VPS8: variants seen among roughly 807,000 people sequenced by gnomAD.
VPS8 encodes the protein VPS8 subunit of CORVET complex.
In VPS8, 129 loss-of-function variants were observed where a neutral mutation model predicts 216.4. The observed-to-expected ratio is 0.60, with a 90% CI of 0.52 to 0.69. The LOEUF is 0.69. VPS8 is among the 30% of genes least tolerant of loss of function. The probability of loss-of-function intolerance (pLI) is 0.00; values close to 1 mark genes in which losing one functional copy is unlikely to be tolerated. For synonymous variants in VPS8, 571 were observed against 565.4 expected (o/e 1.01, Z -0.14); for missense variants, 1,531 against 1,683.5 (o/e 0.91, Z 1.59).
At chr3:184,834,132 A>G (rs763208738) in intron 4 of VPS8, among the ~76,000 whole-genome samples, 10 of 152,192 alleles carry the variant, frequency 6.6e-5, no homozygotes, top group Non-Finnish European at 1.3e-4. Context: ...GCAGCAGCAC[A>G]GGAAAGGTGA....
At chr3:184,829,683 G>A (rs1028221207) in intron 3 of VPS8, among the ~76,000 whole-genome samples, 1 of 152,124 alleles carries the variant, frequency 6.6e-6, no homozygotes, top group Non-Finnish European at 1.5e-5. Context: ...CCTTGTAAAC[G>A]TTTGAATTTT....
chr3:184,899,314 A>G (rs2108974193), intron 24 of VPS8, among the ~76,000 whole-genome samples: 1 of 152,332 alleles, frequency 6.6e-6, no homozygotes, highest in South Asian at 2.1e-4. Context: ...GCTTTATTAT[A>G]GTGTCCCTCA....
At chr3:184,851,430 A>G (rs530551458) in intron 10 of VPS8, among the ~76,000 whole-genome samples, 1 of 152,054 alleles carries the variant, frequency 6.6e-6, no homozygotes, top group Non-Finnish European at 1.5e-5. Flanking sequence ...TATCTCATCA[A>G]TAACAATTTG....
intron 8 of VPS8, among the ~76,000 whole-genome samples, chr3:184,845,308 C>T (rs1722915128): frequency 6.6e-6 from 1 of 152,088 alleles, no homozygotes; most frequent in African/African-American, 2.4e-5. Flanking sequence ...CAGAATTGTC[C>T]AGAATTTTCT....
chr3:184,924,416 C>T (rs1470929023), intron 29 of VPS8, among the ~76,000 whole-genome samples: 2 of 152,062 alleles, frequency 1.3e-5, no homozygotes, highest in Non-Finnish European at 2.9e-5. Context: ...ACTTGGGAGG[C>T]TGAGGCAGGA....
intron 46 of VPS8, among the ~76,000 whole-genome samples, chr3:185,037,491 A>G (rs183824134): frequency 1.9e-3 from 291 of 152,210 alleles, no homozygotes; most frequent in African/African-American, 7.0e-3. Context: ...AAGCTTCCTG[A>G]ATGTGTAGGT....
intron 45 of VPS8, among the ~76,000 whole-genome samples, chr3:185,011,359 A>G (rs1754997365): frequency 6.6e-6 from 1 of 152,208 alleles, no homozygotes; most frequent in South Asian, 2.1e-4. Context: ...CTTGCCATGG[A>G]GTATTGGAGA....
intron 45 of VPS8, among the ~76,000 whole-genome samples, chr3:185,004,888 G>C (rs2109949857): frequency 6.7e-6 from 1 of 149,914 alleles, no homozygotes. Context: ...TTATTTATTT[G>C]GTTTTTTTTG....
In VPS8 at chr3:184,824,581, CA is replaced by C. The variant is rs1718312873; in HGVS notation, c.-49del. Reference sequence around the variant, plus strand: ...CAGGTCTTCGTGAGCTAAGGCCAAACAAACAAAAAACACTTGCTTTGATGGA... The same window carrying C: ...CAGGTCTTCGTGAGCTAAGGCCAAACAACAAAAAACACTTGCTTTGATGGA... On this transcript the variant is annotated 5_prime_UTR_variant, in exon 2 of 48. Coordinates refer to ENST00000625842, the MANE Select transcript of VPS8 (RefSeq NM_001009921.3). The C allele has an allele frequency of 1.3e-6, 2 of 1,564,230 alleles. No homozygotes were observed. The highest frequency in any genetic ancestry group is 4.5e-5 in the East Asian group (2 of 44,352).
rs3332 is a variant in VPS8, at chr3:185,052,592, C to T, written c.*567C>T. Reference sequence around the variant, plus strand: ...TTGCCCTTTCTAACAATAAATGCTCCGTGTTTAAGTTCTGCAGGTCTCCTG... The same window carrying T: ...TTGCCCTTTCTAACAATAAATGCTCTGTGTTTAAGTTCTGCAGGTCTCCTG... On this transcript the variant is annotated 3_prime_UTR_variant, in exon 48 of 48. Coordinates refer to ENST00000625842, the MANE Select transcript of VPS8 (RefSeq NM_001009921.3). 73,066 of 152,128 alleles carry T rather than the reference C, an allele frequency of 0.48. 17,866 individuals carry two copies. The highest frequency in any genetic ancestry group is 0.67 in the East Asian group (3,454 of 5,164). 9.4% of individuals were successfully genotyped at this position (152,128 alleles called of 1,614,324 possible).
chr3:184,982,706 C>G, intron 41 of VPS8, 59 bp downstream of exon 41: 2 of 1,336,304 alleles, frequency 1.5e-6, no homozygotes, highest in Admixed American at 2.1e-5. Context: ...CAATATTTGT[C>G]TGCAGAAACT....
intron 25 of VPS8, among the ~76,000 whole-genome samples, chr3:184,907,461 GGGA>G (rs1735702629): frequency 6.6e-6 from 1 of 152,184 alleles, no homozygotes; most frequent in Non-Finnish European, 1.5e-5. Flanking sequence ...GGGATAGAAT[GGGA>G]TCAGGTTTGC....
chr3:184,968,835 C>G (rs1406528790), intron 39 of VPS8, among the ~76,000 whole-genome samples: 1 of 152,162 alleles, frequency 6.6e-6, no homozygotes, highest in African/African-American at 2.4e-5. Context: ...ACTCCTTGGT[C>G]CACGCATTTC....
rs539182485 is a variant in VPS8 at position 184,920,550 on chromosome 3, A to G, written c.2454+352A>G. 4.2e-4 allele frequency among the ~76,000 whole-genome samples: 64 copies of G among 152,348 alleles called. 1 individual carries two copies. In the Middle Eastern group the frequency reaches 0.044, roughly 105 times the overall value. On this transcript the variant is annotated intron_variant, in intron 29 of 47. Coordinates refer to ENST00000625842, the MANE Select transcript of VPS8 (RefSeq NM_001009921.3). ...GAGAATCTTCCTGTGTCTCATGCCA[A>G]CTTCACTTTGTTGCTAAGGCAGTGC...
chr3:185,044,228 C>T (rs1174960660), intron 46 of VPS8, among the ~76,000 whole-genome samples: 1 of 152,134 alleles, frequency 6.6e-6, no homozygotes, highest in African/African-American at 2.4e-5. Flanking sequence ...AGGCTTCTTC[C>T]AGACTGCTGC....
chr3:184,910,716 G>A (rs367887598), intron 25 of VPS8, among the ~76,000 whole-genome samples: 15 of 152,164 alleles, frequency 9.9e-5, no homozygotes, highest in East Asian at 7.7e-4. Context: ...GATCGCCGCC[G>A]TGCCAGGAAG....
intron 42 of VPS8, among the ~76,000 whole-genome samples, chr3:184,985,706 T>G (rs1750962935): frequency 6.6e-6 from 1 of 152,168 alleles, no homozygotes; most frequent in Non-Finnish European, 1.5e-5. Flanking sequence ...TCCAGGACAT[T>G]TTGGAACTGA....
At chr3:184,914,851 A>T (rs1029124607) in intron 26 of VPS8, 130 bp from the exon 27 acceptor site, 1 of 880,852 alleles carries the variant, frequency 1.1e-6, no homozygotes, top group Non-Finnish European at 1.8e-6. Flanking sequence ...TTGGAACTTG[A>T]CCTAACTGAC....
intron 45 of VPS8, among the ~76,000 whole-genome samples, chr3:185,006,166 T>A (rs1754220734): frequency 6.6e-6 from 1 of 152,236 alleles, no homozygotes; most frequent in Non-Finnish European, 1.5e-5. Flanking sequence ...TTTCTTAAAT[T>A]TTCCTCTAGC....
Sources: gnomAD v4.1 joint callset for allele counts (sites outside exome capture counted in the v4.1 genomes callset) on GRCh38, gnomAD v4.1.1 for gene constraint, MANE v1.5 for transcripts, NCBI Gene and HGNC (gene_info 2026-07-23, HGNC 2026-07-21) for gene names.